MOCOS: variants seen among roughly 807,000 people sequenced by gnomAD.
The protein encoded by MOCOS is molybdenum cofactor sulfurase.
Under a neutral mutation model 83.6 loss-of-function variants are expected in MOCOS, and 86 were observed. That is an observed-to-expected ratio of 1.03 (90% CI 0.86 to 1.23). The LOEUF (loss-of-function observed/expected upper bound fraction) is 1.23, where lower values mean the gene tolerates loss of function less well. Ranked by LOEUF, MOCOS falls within the 50% of genes most tolerant of loss-of-function variation. The pLI is 0.00. For synonymous variants in MOCOS, 445 were observed against 434.7 expected (o/e 1.02, Z -0.29); for missense variants, 1,120 against 1,126.9 (o/e 0.99, Z 0.09).
Position 36,260,142 on chromosome 18 carries a change from G to C in MOCOS, c.2376G>C (p.Trp792Cys). ...NGKRAFEEEK[W>C]DEISIGSLRF... ...AAAGGGCTTTTGAAGAAGAGAAATG[G>C]GATGAGATTTCAATTGGCTCTTTGC... The change falls in exon 13 of 15, where the codon TGG (tryptophan) becomes TGC (cysteine). Residue 792 changes from tryptophan (W) to cysteine (C), a missense_variant. Transcript: ENST00000261326. 6.2e-7 allele frequency: 1 copy of C among 1,614,168 alleles called. No individual in the cohort carries two copies. The highest frequency in any genetic ancestry group is 8.5e-7 in the Non-Finnish European group (1 of 1,180,022).
chr18:36,271,417 A>C lies in MOCOS; in HGVS notation c.*2732A>C, dbSNP rs562326751. 1.3e-5 allele frequency: 2 copies of C among 152,096 alleles called. No individual in the cohort carries two copies. Among genetic ancestry groups the C allele is most frequent in the East Asian group, 3.9e-4 (2 of 5,190 alleles). 9.4% of individuals were successfully genotyped at this position (152,096 alleles called of 1,614,324 possible). ...ATTTTTTCTTTAGTGTCTACCTTCA[A>C]TATTTCTTGTATGAAGTTTCAGCTA... On this transcript the variant is annotated 3_prime_UTR_variant, in exon 15 of 15. Transcript: ENST00000261326.
intron 1 of MOCOS, 149 bp from the exon 2 acceptor site, chr18:36,195,108 T>C: frequency 1.4e-6 from 1 of 721,756 alleles, no homozygotes; most frequent in Non-Finnish European, 2.5e-6. Flanking sequence ...CTTCCACTGC[T>C]CATGCCTACA....
intron 9 of MOCOS, among the ~76,000 whole-genome samples, chr18:36,225,474 A>G (rs998496148): frequency 2.0e-5 from 3 of 152,190 alleles, no homozygotes; most frequent in Non-Finnish European, 2.9e-5. Context: ...CTTAGTCTAG[A>G]TAAAAGCTTG....
In MOCOS at chr18:36,199,708, G is replaced by A. The variant is rs1234582383; in HGVS notation, c.325G>A (p.Ala109Thr). Reference sequence around the variant, plus strand: ...AATCCTGGCGCACTTCCACACCACCGCAGAAGACTACACTGTGATCTTCAC... The same window carrying A: ...AATCCTGGCGCACTTCCACACCACCACAGAAGACTACACTGTGATCTTCAC... The part of the protein sequence containing the change: ...YRILAHFHTT[A>T]EDYTVIFTAG... Residue 109 changes from alanine (A) to threonine (T), a missense_variant, in exon 4 of 15, where the codon GCA becomes ACA. Transcript: ENST00000261326. The A allele has an allele frequency of 9.9e-6, 16 of 1,613,796 alleles. No individual in the cohort carries two copies. The highest frequency in any genetic ancestry group is 2.7e-5 in the African/African-American group (2 of 74,896).
At chr18:36,264,984 C>A (rs941009612) in intron 13 of MOCOS, among the ~76,000 whole-genome samples, 2 of 152,162 alleles carry the variant, frequency 1.3e-5, no homozygotes, top group African/African-American at 2.4e-5. Context: ...ATAGCTATGG[C>A]AAGCCACAGG....
intron 1 of MOCOS, among the ~76,000 whole-genome samples, chr18:36,193,173 C>T (rs1392052627): frequency 8.7e-5 from 13 of 149,872 alleles, no homozygotes; most frequent in Middle Eastern, 3.4e-3. Context: ...TAGCCGGGCG[C>T]GGTGGCGGGC....
chr18:36,235,337 T>C (rs1484203139), intron 9 of MOCOS, among the ~76,000 whole-genome samples: 3 of 131,224 alleles, frequency 2.3e-5, no homozygotes, highest in Non-Finnish European at 4.8e-5. Context: ...TGTGTCCATG[T>C]GATCTCATTG....
chr18:36,268,468 A>G lies in MOCOS; in HGVS notation c.2515-65A>G, dbSNP rs2091688568. The G allele has an allele frequency of 2.5e-6, 4 of 1,602,576 alleles. No individual in the cohort carries two copies. In the South Asian group the frequency reaches 4.4e-5, roughly 18 times the overall value. ...TGATTTTAGTTAAACATTAATATTT[A>G]CAAAGTTATTTTAATTGCTAAAATA... On this transcript the variant is annotated intron_variant, in intron 14 of 14. Coordinates refer to ENST00000261326, the MANE Select transcript of MOCOS (RefSeq NM_017947.4).
intron 9 of MOCOS, among the ~76,000 whole-genome samples, chr18:36,240,820 G>A (rs1294718999): frequency 6.6e-6 from 1 of 152,212 alleles, no homozygotes; most frequent in Non-Finnish European, 1.5e-5. Context: ...GCCAGGTGCA[G>A]GATATAATCT....
At chr18:36,201,977 G>A (rs1296885522) in intron 4 of MOCOS, among the ~76,000 whole-genome samples, 1 of 152,178 alleles carries the variant, frequency 6.6e-6, no homozygotes, top group East Asian at 1.9e-4. Context: ...GAGAAGTGGG[G>A]CAGCTCACTG....
At position 36,198,709 on chromosome 18, in the gene MOCOS, C is replaced by T. The variant is rs778824731; in HGVS notation, c.252C>T (p.Asn84=). The T allele has an allele frequency of 1.2e-5, 20 of 1,614,060 alleles. No homozygotes were observed. In the East Asian group the frequency reaches 1.3e-4, roughly 11 times the overall value. The change falls in exon 3 of 15, where the codon AAC becomes AAT. Residue 84 remains asparagine (N), a synonymous_variant. Transcript: ENST00000261326. ...TGCCAGGTAATCCTCACAGCCAGAA[C>T]ATCAGCAGCAAGCTCACCCATGACA... The part of the protein sequence containing the change: ...ENTYGNPHSQ[N]ISSKLTHDTV...
intron 12 of MOCOS, among the ~76,000 whole-genome samples, chr18:36,258,657 C>T (rs16967627): frequency 0.018 from 2,748 of 152,188 alleles, 88 homozygotes; most frequent in African/African-American, 0.064. Context: ...TGAGGATTTA[C>T]CTCACACCAA....
At chr18:36,221,182 G>C (rs771035862) in intron 9 of MOCOS, among the ~76,000 whole-genome samples, 1 of 152,146 alleles carries the variant, frequency 6.6e-6, no homozygotes, top group African/African-American at 2.4e-5. Flanking sequence ...AGTCACTTGT[G>C]ACTATTGAAA....
At chr18:36,248,257 A>C (rs2091609622) in intron 9 of MOCOS, among the ~76,000 whole-genome samples, 1 of 152,188 alleles carries the variant, frequency 6.6e-6, no homozygotes, top group Admixed American at 6.5e-5. Context: ...TTCAAGAAAT[A>C]TCTATTCAGA....
chr18:36,266,685 C>A, intron 13 of MOCOS, 64 bp from the exon 14 acceptor site: 1 of 1,388,456 alleles, frequency 7.2e-7, no homozygotes, highest in Non-Finnish European at 1.0e-6. Flanking sequence ...GTGATTCCTC[C>A]CTCTGAGGTG....
intron 9 of MOCOS, 122 bp downstream of exon 9, chr18:36,220,339 C>CAA: frequency 9.5e-7 from 1 of 1,050,526 alleles, no homozygotes; most frequent in Admixed American, 2.7e-5. Flanking sequence ...GACCTCATCT[C>CAA]TACAAAAAAA....
At chr18:36,231,542 T>TTTTG (rs962984416) in intron 9 of MOCOS, among the ~76,000 whole-genome samples, 1 of 152,168 alleles carries the variant, frequency 6.6e-6, no homozygotes, top group Non-Finnish European at 1.5e-5. Flanking sequence ...ATAGTAAGTT[T>TTTTG]TTTGTTTGTT....
At chr18:36,213,074 G>C (rs2091461166) in intron 6 of MOCOS, among the ~76,000 whole-genome samples, 1 of 152,222 alleles carries the variant, frequency 6.6e-6, no homozygotes, top group African/African-American at 2.4e-5. Flanking sequence ...CATGGACACA[G>C]TAACACTTGG....
At chr18:36,248,081 A>G (rs1419606426) in intron 9 of MOCOS, among the ~76,000 whole-genome samples, 1 of 152,138 alleles carries the variant, frequency 6.6e-6, no homozygotes, top group Non-Finnish European at 1.5e-5. Context: ...AGTGTGTCAG[A>G]GTTCCCCTTT....
Sources: gnomAD v4.1 joint callset for allele counts (sites outside exome capture counted in the v4.1 genomes callset) on GRCh38, gnomAD v4.1.1 for gene constraint, MANE v1.5 for transcripts, NCBI Gene and HGNC (gene_info 2026-07-23, HGNC 2026-07-21) for gene names.